Variants in GULP1 observed in about 807,000 individuals in gnomAD.
GULP1 encodes the protein PTB domain-containing engulfment adapter protein 1.
In GULP1, 19 loss-of-function variants were observed where a neutral mutation model predicts 40.9. That is an observed-to-expected ratio of 0.46 (90% CI 0.32 to 0.68). The LOEUF is 0.68. Among genes scored for constraint, GULP1 ranks in the 30% least tolerant of loss-of-function variants. GULP1 has a pLI of 0.03. For missense variants in GULP1, 312 were observed against 362.2 expected, an observed-to-expected ratio of 0.86 and a Z score of 1.12; for synonymous variants, 119 against 117.6, an observed-to-expected ratio of 1.01 and a Z score of -0.08.
intron 6 of GULP1, among the ~76,000 whole-genome samples, chr2:188,532,743 C>T (rs1441219702): frequency 1.6e-5 from 2 of 123,960 alleles, no homozygotes; most frequent in Non-Finnish European, 3.4e-5. Context: ...TGATGAAACC[C>T]TGTCTCTACT....
At chr2:188,546,809 G>A (rs1248466411) in intron 7 of GULP1, among the ~76,000 whole-genome samples, 1 of 151,850 alleles carries the variant, frequency 6.6e-6, no homozygotes, top group East Asian at 1.9e-4. Flanking sequence ...TATTAATTTG[G>A]CAAAGAACAA....
rs1227812820 is a variant in GULP1 at position 188,292,791 on chromosome 2, A to AGAAGGG, written c.-172+625_-172+626insGAAGGG. On this transcript the variant is annotated intron_variant, in intron 1 of 11. Transcript: ENST00000409830. This position sits in a 1 kb window ranked among gnomAD's most constrained non-coding sequence, Gnocchi z 4.0. Reference sequence around the variant, plus strand: ...GGGCCCAAAGGAAGGGGCGGCGTCCACATGGTTACCCTTCTGCTGCGCGGG... The same window carrying AGAAGGG: ...GGGCCCAAAGGAAGGGGCGGCGTCCAGAAGGGCATGGTTACCCTTCTGCTGCGCGGG... The AGAAGGG allele has an allele frequency of 6.6e-4, 101 of 152,438 alleles. No homozygotes were observed. The highest frequency in any genetic ancestry group is 1.4e-3 in the Admixed American group (22 of 15,282). 9.4% of individuals were successfully genotyped at this position (152,438 alleles called of 1,614,324 possible). A position where few individuals can be genotyped will look rare whatever the true frequency, so the allele number is the denominator to read the frequency against.
chr2:188,413,847 T>A (rs1263568059), intron 2 of GULP1, among the ~76,000 whole-genome samples: 2 of 152,168 alleles, frequency 1.3e-5, no homozygotes, highest in Non-Finnish European at 2.9e-5. Flanking sequence ...TTTGTGTTTG[T>A]TAAGAGATGT....
chr2:188,530,827 A>G (rs933054619), intron 6 of GULP1, among the ~76,000 whole-genome samples: 1 of 152,226 alleles, frequency 6.6e-6, no homozygotes, highest in Non-Finnish European at 1.5e-5. Flanking sequence ...TCATTTAGTA[A>G]TTTTGATAAG....
intron 4 of GULP1, among the ~76,000 whole-genome samples, chr2:188,501,086 A>G (rs1575627310): frequency 6.6e-6 from 1 of 151,856 alleles, no homozygotes; most frequent in African/African-American, 2.4e-5. Flanking sequence ...CTCCCATTTT[A>G]TGGATAGTAA....
At chr2:188,418,699 A>T (rs1484045749) in intron 2 of GULP1, among the ~76,000 whole-genome samples, 2 of 152,236 alleles carry the variant, frequency 1.3e-5, no homozygotes, top group Non-Finnish European at 2.9e-5. Context: ...ATGTTTCACA[A>T]TTTTAGATGA....
At chr2:188,439,718 G>T (rs931533580) in intron 2 of GULP1, among the ~76,000 whole-genome samples, 6 of 152,102 alleles carry the variant, frequency 3.9e-5, no homozygotes, top group Admixed American at 3.9e-4. Context: ...TAATTAGACT[G>T]TGGGGAGGAC....
intron 1 of GULP1, among the ~76,000 whole-genome samples, chr2:188,360,455 T>A (rs1290524298): frequency 6.6e-6 from 1 of 151,788 alleles, no homozygotes; most frequent in Admixed American, 6.6e-5. Flanking sequence ...TTTTTTTTTT[T>A]AATCACTTTT....
intron 1 of GULP1, among the ~76,000 whole-genome samples, chr2:188,357,250 C>G (rs933049804): frequency 2.0e-5 from 3 of 151,968 alleles, no homozygotes; most frequent in Non-Finnish European, 2.9e-5. Flanking sequence ...CAAAGGAAAC[C>G]ATCAACAAAG....
chr2:188,478,210 A>G (rs904812943), intron 3 of GULP1, among the ~76,000 whole-genome samples: 2 of 152,074 alleles, frequency 1.3e-5, no homozygotes, highest in African/African-American at 4.8e-5. Context: ...TTTGTTATTA[A>G]TTTTTAGGTA....
At chr2:188,519,427 T>C (rs76322123) in intron 4 of GULP1, among the ~76,000 whole-genome samples, 5,997 of 152,232 alleles carry the variant, frequency 0.039, 265 homozygotes, top group African/African-American at 0.1. Flanking sequence ...GTAAAACTTA[T>C]AGTCTATTAC....
chr2:188,323,684 G>A (rs1192519919), intron 1 of GULP1, among the ~76,000 whole-genome samples: 3 of 107,876 alleles, frequency 2.8e-5, no homozygotes, highest in Non-Finnish European at 6.3e-5. Flanking sequence ...GTGTGTGTGT[G>A]TGTGTATGTG....
At chr2:188,522,982 A>G in intron 5 of GULP1, 155 bp downstream of exon 5, 3 of 515,032 alleles carry the variant, frequency 5.8e-6, no homozygotes, top group Non-Finnish European at 1.1e-5. Flanking sequence ...TCAAGGAAAC[A>G]TTTTTAATAA....
chr2:188,349,405 C>CT (rs1265609646), intron 1 of GULP1, among the ~76,000 whole-genome samples: 26 of 152,132 alleles, frequency 1.7e-4, no homozygotes, highest in African/African-American at 5.8e-4. Flanking sequence ...CTTGCCAATA[C>CT]TTGTTAATGT....
chr2:188,532,553 T>C (rs1687816065), intron 6 of GULP1, among the ~76,000 whole-genome samples: 1 of 152,110 alleles, frequency 6.6e-6, no homozygotes. Flanking sequence ...GGGTATGCAT[T>C]GCAACCTTTT....
intron 7 of GULP1, among the ~76,000 whole-genome samples, chr2:188,545,800 A>C (rs1691788153): frequency 6.6e-6 from 1 of 151,982 alleles, no homozygotes; most frequent in African/African-American, 2.4e-5. Flanking sequence ...GGATTACAAA[A>C]CATAATCCAG....
chr2:188,558,641 G>C (rs1695470922), intron 7 of GULP1, among the ~76,000 whole-genome samples: 1 of 152,196 alleles, frequency 6.6e-6, no homozygotes, highest in South Asian at 2.1e-4. Context: ...ACAGGGAAAT[G>C]TGGGAAAGTT....
At chr2:188,504,945 TTTG>T (rs1156413535) in intron 4 of GULP1, among the ~76,000 whole-genome samples, 15 of 151,842 alleles carry the variant, frequency 9.9e-5, no homozygotes, top group South Asian at 4.1e-4. Flanking sequence ...TCCATTTTGC[TTTG>T]TTGTTTTTTT....
chr2:188,487,119 T>C (rs150596648), intron 4 of GULP1, among the ~76,000 whole-genome samples: 1 of 152,162 alleles, frequency 6.6e-6, no homozygotes, highest in East Asian at 1.9e-4. Flanking sequence ...AATGCTAAAC[T>C]CTCTTTTCTA....
Sources: gnomAD v4.1 joint callset for allele counts (sites outside exome capture counted in the v4.1 genomes callset) on GRCh38, gnomAD v4.1.1 for gene constraint, Gnocchi (gnomAD v3.1) non-coding constraint, MANE v1.5 for transcripts, NCBI Gene and HGNC (gene_info 2026-07-23, HGNC 2026-07-21) for gene names.